SRPRA: variants seen among roughly 807,000 people sequenced by gnomAD.
SRPRA encodes the protein SRP receptor subunit alpha.
Under a neutral mutation model 61.1 loss-of-function variants are expected in SRPRA, and 30 were observed. That is an observed-to-expected ratio of 0.49 (90% CI 0.37 to 0.67). SRPRA has a LOEUF of 0.67. Ranked by LOEUF, SRPRA falls within the 30% of genes least tolerant of loss-of-function variation. The pLI, the probability that SRPRA is intolerant of heterozygous loss-of-function variation, is 0.00. For missense variants in SRPRA, 759 were observed against 828.4 expected (o/e 0.92, Z 1.03); for synonymous variants, 324 against 299.7 (o/e 1.08, Z -0.84).
At chr11:126,257,544 G>C in the SRPRA span, among the ~76,000 whole-genome samples, 1 of 149,766 alleles carries the variant, frequency 6.7e-6, no homozygotes, top group Admixed American at 6.7e-5. Flanking sequence ...AGACATATGA[G>C]TAAAGGAAGA....
At chr11:126,243,304 A>G in the SRPRA span, among the ~76,000 whole-genome samples, 2 of 152,194 alleles carry the variant, frequency 1.3e-5, no homozygotes, top group South Asian at 2.1e-4. Context: ...AAGACATCAG[A>G]AGAAATGAAA....
chr11:126,256,877 G>T, the SRPRA span: 2 of 1,589,010 alleles, frequency 1.3e-6, no homozygotes, highest in South Asian at 2.3e-5. The surrounding 1 kb of genome is among the most constrained non-coding windows in gnomAD (Gnocchi z 6.6). Flanking sequence ...GAAGCTGAGG[G>T]GAATCAGAGA....
the SRPRA span, among the ~76,000 whole-genome samples, chr11:126,252,219 TCA>T: frequency 6.6e-6 from 1 of 152,144 alleles, no homozygotes; most frequent in Admixed American, 6.5e-5. This position sits in a 1 kb window ranked among gnomAD's most constrained non-coding sequence, Gnocchi z 4.7. Flanking sequence ...ACTCCTGACC[TCA>T]GGTGATCTGC....
At chr11:126,250,746 G>A in the SRPRA span, 2 of 1,572,166 alleles carry the variant, frequency 1.3e-6, no homozygotes, top group Non-Finnish European at 1.7e-6. This position sits in a 1 kb window ranked among gnomAD's most constrained non-coding sequence, Gnocchi z 5.1. Context: ...AAAAAGTAAA[G>A]CATTGGTCCC....
Position 126,264,444 on chromosome 11 carries a change from C to T in SRPRA, c.1621G>A (p.Val541Ile), listed in dbSNP as rs370074270. ...AACAGCACCAAATCAGGTGTATTGA[C>T]AGTAATGAGTTTGGCCAGGGCAGTC... ...LMTALAKLIT[V>I]NTPDLVLFVG... The change falls in exon 12 of 14, where the codon GTC becomes ATC. Residue 541 changes from valine to isoleucine, a missense_variant. Physicochemically the swap from Val to Ile is conservative, Grantham distance 29 (BLOSUM62 3). Around this residue, in one of 2 missense-constraint regions of SRPRA, gnomAD observed 284 missense variants for 365.9 expected, o/e 0.78. Coordinates refer to ENST00000332118, the MANE Select transcript of SRPRA (RefSeq NM_003139.4). The surrounding 1 kb of genome is among the most constrained non-coding windows in gnomAD (Gnocchi z 5.0). 6.2e-7 allele frequency: 1 copy of T among 1,614,236 alleles called. No homozygotes were observed. Among genetic ancestry groups the T allele is most frequent in the Non-Finnish European group, 8.5e-7 (1 of 1,180,058 alleles).
Position 126,265,199 on chromosome 11 carries a change from C to T in SRPRA, c.1312-27G>A, listed in dbSNP as rs1308067032. 1.2e-6 allele frequency: 2 copies of T among 1,613,894 alleles called. No individual in the cohort carries two copies. The highest frequency in any genetic ancestry group is 1.7e-6 in the Non-Finnish European group (2 of 1,179,862). On this transcript the variant is annotated intron_variant, in intron 10 of 13. Coordinates refer to ENST00000332118, the MANE Select transcript of SRPRA (RefSeq NM_003139.4). This position sits in a 1 kb window ranked among gnomAD's most constrained non-coding sequence, Gnocchi z 6.3. ...TGTGAAAAAGACGTAAGAAAAGTCA[C>T]CTAAAGCCAGGATTTTGAGACACAA... is the stretch of plus-strand genomic sequence containing the variant.
At chr11:126,262,164 C>G (rs1479704439), downstream of SRPRA, 2 of 1,611,490 alleles carry the variant, frequency 1.2e-6, no homozygotes, top group Non-Finnish European at 8.5e-7. Flanking sequence ...CCGTTTAGAC[C>G]AAGCTGTAAG....
rs778988313 is a variant in SRPRA at position 126,267,561 on chromosome 11, AG to A, written c.352del (p.Leu118CysfsTer19). ...GCAGGTCTCTCACCGAAGGAGCCGC[AG>A]GAAGTCATTTTGGAAATCAAAAGTG... ...NGTFDFQNDF[L>X]RLLREAEESS... On this transcript the variant is annotated frameshift_variant, in exon 3 of 14. Transcript: ENST00000332118. LOFTEE classifies it high-confidence loss of function. The surrounding 1 kb of genome is among the most constrained non-coding windows in gnomAD (Gnocchi z 4.2). 1 of 1,614,074 alleles carries A rather than the reference AG, an allele frequency of 6.2e-7. No individual in the cohort carries two copies. Among genetic ancestry groups the A allele is most frequent in the Non-Finnish European group, 8.5e-7 (1 of 1,180,038 alleles).
the SRPRA span, among the ~76,000 whole-genome samples, chr11:126,255,481 GTA>G: frequency 6.6e-6 from 1 of 152,006 alleles, no homozygotes; most frequent in Admixed American, 6.6e-5. The surrounding 1 kb of genome is among the most constrained non-coding windows in gnomAD (Gnocchi z 4.6). Flanking sequence ...TTTTGTGTGT[GTA>G]TATGTATACA....
At chr11:126,242,470 A>G in the SRPRA span, among the ~76,000 whole-genome samples, 1 of 152,344 alleles carries the variant, frequency 6.6e-6, no homozygotes, top group Non-Finnish European at 1.5e-5. Context: ...AGAATGAGAA[A>G]ATGTTAGCAA....
Position 126,268,831 on chromosome 11 carries a change from C to A in SRPRA, c.-27G>T, listed in dbSNP as rs780506956. ...GCGGCAGCGGCAGAGGAGCTGGGGC[C>A]GGCGCCGGGAATTCAGGCCGCGTTC... On this transcript the variant is annotated 5_prime_UTR_variant, in exon 1 of 14. Transcript: ENST00000332118. The A allele has an allele frequency of 1.9e-6, 3 of 1,593,244 alleles. No homozygotes were observed. The highest frequency in any genetic ancestry group is 1.7e-5 in the Admixed American group (1 of 59,798).
At chr11:126,268,623 C>A in intron 1 of SRPRA, 65 bp downstream of exon 1, 5 of 1,396,710 alleles carry the variant, frequency 3.6e-6, no homozygotes, top group Non-Finnish European at 5.1e-6. Flanking sequence ...GGAATAGAGT[C>A]GAAGGGGACC....
intron 1 of SRPRA, 118 bp from the exon 2 acceptor site, chr11:126,268,204 C>A: frequency 1.2e-6 from 1 of 822,904 alleles, no homozygotes; most frequent in East Asian, 2.6e-5. Flanking sequence ...AAATCTGTCC[C>A]CAGGACAAGA....
chr11:126,256,976 AAGG>A, the SRPRA span: 1 of 971,724 alleles, frequency 1.0e-6, no homozygotes, highest in Non-Finnish European at 1.5e-6. This position sits in a 1 kb window ranked among gnomAD's most constrained non-coding sequence, Gnocchi z 6.6. Context: ...CCAAATTGTA[AAGG>A]AGGCCACAGT....
chr11:126,266,088 G>A lies in SRPRA; in HGVS notation c.933-7C>T, dbSNP rs1223135947. The A allele has an allele frequency of 6.2e-7, 1 of 1,613,702 alleles. No homozygotes were observed. Among genetic ancestry groups the A allele is most frequent in the African/African-American group, 1.3e-5 (1 of 74,868 alleles). On this transcript the variant is annotated splice_region_variant and splice_polypyrimidine_tract_variant and intron_variant, in intron 7 of 13. Coordinates refer to ENST00000332118, the MANE Select transcript of SRPRA (RefSeq NM_003139.4). Reference sequence around the variant, plus strand: ...CAGTGTTCCCTTGGTCGCACTGCAGGGACAGGAGATTACACATACACATAA... The same window carrying A: ...CAGTGTTCCCTTGGTCGCACTGCAGAGACAGGAGATTACACATACACATAA...
chr11:126,243,892 A>G, the SRPRA span, among the ~76,000 whole-genome samples: 2 of 146,092 alleles, frequency 1.4e-5, no homozygotes, highest in African/African-American at 2.5e-5. Context: ...CGACAGAGCA[A>G]GACTCCGTCT....
chr11:126,255,559 T>G, the SRPRA span, among the ~76,000 whole-genome samples: 16,436 of 152,222 alleles, frequency 0.11, 1,157 homozygotes, highest in Non-Finnish European at 0.15. The surrounding 1 kb of genome is among the most constrained non-coding windows in gnomAD (Gnocchi z 4.6). Flanking sequence ...GATGATGGAA[T>G]TATCTTCTCT....
the SRPRA span, among the ~76,000 whole-genome samples, chr11:126,243,043 C>T: frequency 2.0e-5 from 3 of 152,090 alleles, no homozygotes; most frequent in East Asian, 1.9e-4. Context: ...ATGAAGTGCT[C>T]GTCCCATACA....
the SRPRA span, among the ~76,000 whole-genome samples, chr11:126,238,130 G>A: frequency 3.3e-5 from 5 of 152,160 alleles, no homozygotes; most frequent in Admixed American, 1.3e-4. Flanking sequence ...GGGAGGCCAA[G>A]GCAGGCGGAT....
Sources: gnomAD v4.1 joint callset for allele counts (sites outside exome capture counted in the v4.1 genomes callset) on GRCh38, gnomAD v4.1.1 for gene constraint, gnomAD v4.1.1 regional missense constraint, Gnocchi (gnomAD v3.1) non-coding constraint, MANE v1.5 for transcripts, NCBI Gene and HGNC (gene_info 2026-07-23, HGNC 2026-07-21) for gene names.